The following ZSCAN5A variants were observed in gnomAD, a reference collection of about 807,000 sequenced individuals.
The protein encoded by ZSCAN5A is zinc finger and SCAN domain-containing protein 5A.
A neutral mutation model predicts 23.7 loss-of-function variants in ZSCAN5A; 12 were observed. That is an observed-to-expected ratio of 0.51 (90% confidence interval 0.32 to 0.82). The LOEUF (loss-of-function observed/expected upper bound fraction) is 0.82. ZSCAN5A is among the 40% of genes least tolerant of loss of function. The probability of loss-of-function intolerance (pLI) is 0.03; values close to 1 mark genes in which losing one functional copy is unlikely to be tolerated. For synonymous variants in ZSCAN5A, 257 were observed against 239.9 expected (o/e 1.07, Z -0.66); for missense variants, 597 against 617.9 (o/e 0.97, Z 0.36).
At chr19:56,254,595 A>G (rs1316376765) in intron 2 of ZSCAN5A, among the ~76,000 whole-genome samples, 1 of 152,094 alleles carries the variant, frequency 6.6e-6, no homozygotes, top group African/African-American at 2.4e-5. Flanking sequence ...CCAATTTTTT[A>G]GGTACATAAG....
At chr19:56,282,541 G>C in intron 2 of ZSCAN5A, 1 of 984,320 alleles carries the variant, frequency 1.0e-6, no homozygotes, top group Non-Finnish European at 1.2e-6. Flanking sequence ...GGGTCTGTTT[G>C]CCTTTGTCCA....
chr19:56,334,744 C>T (rs1408540162), intron 2 of ZSCAN5A, among the ~76,000 whole-genome samples: 2 of 152,058 alleles, frequency 1.3e-5, no homozygotes, highest in Admixed American at 6.6e-5. Context: ...ACCACAGCAG[C>T]CCTATAGAAA....
intron 2 of ZSCAN5A, chr19:56,342,935 A>C: frequency 9.8e-7 from 1 of 1,019,756 alleles, no homozygotes; most frequent in Non-Finnish European, 1.6e-6. Flanking sequence ...TCCATATAGC[A>C]GTGCACTTTG....
intron 2 of ZSCAN5A, among the ~76,000 whole-genome samples, chr19:56,270,439 C>T (rs76293112): frequency 2.6e-5 from 4 of 152,048 alleles, no homozygotes; most frequent in African/African-American, 9.6e-5. Context: ...TAAATAAATA[C>T]ATACATAGCT....
At chr19:56,262,555 A>G (rs1031265331) in intron 2 of ZSCAN5A, among the ~76,000 whole-genome samples, 1 of 151,606 alleles carries the variant, frequency 6.6e-6, no homozygotes, top group East Asian at 1.9e-4. Context: ...CCAGTATCCC[A>G]AGTAACTGGC....
intron 2 of ZSCAN5A, among the ~76,000 whole-genome samples, chr19:56,355,712 G>A (rs2041697026): frequency 6.7e-6 from 1 of 148,898 alleles, no homozygotes; most frequent in Non-Finnish European, 1.5e-5. Flanking sequence ...CGCAGTTTGT[G>A]TGTGTTTAAA....
intron 2 of ZSCAN5A, chr19:56,320,199 T>C (rs2041360387): frequency 3.0e-6 from 2 of 659,358 alleles, no homozygotes; most frequent in Non-Finnish European, 2.9e-6. Flanking sequence ...CTGTTTCTTA[T>C]AATCATCTCA....
rs372118946 is a variant in ZSCAN5A at position 56,223,853 on chromosome 19, C to T, written c.385-19G>A. ...CCACAGACTGTAGAGAGAAAAAAGA[C>T]AATCAGACTCACCATGAGAACCTGA... On this transcript the variant is annotated intron_variant, in intron 3 of 5. Coordinates refer to ENST00000683990, the MANE Select transcript of ZSCAN5A (RefSeq NM_001322064.3). 3.7e-6 allele frequency: 6 copies of T among 1,601,310 alleles called. No homozygotes were observed. Among genetic ancestry groups the T allele is most frequent in the African/African-American group, 1.3e-5 (1 of 74,770 alleles).
At chr19:56,234,954 C>G (rs1209107683) in intron 2 of ZSCAN5A, among the ~76,000 whole-genome samples, 1 of 152,242 alleles carries the variant, frequency 6.6e-6, no homozygotes, top group Non-Finnish European at 1.5e-5. Flanking sequence ...AAGGTAGAAG[C>G]AAAAGAACCG....
At chr19:56,230,583 C>T (rs973588528) in intron 2 of ZSCAN5A, among the ~76,000 whole-genome samples, 3 of 151,324 alleles carry the variant, frequency 2.0e-5, no homozygotes, top group Non-Finnish European at 4.4e-5. Flanking sequence ...GTTACAGGCA[C>T]GAGCCACATC....
chr19:56,342,752 A>G, intron 2 of ZSCAN5A: 2 of 689,214 alleles, frequency 2.9e-6, no homozygotes, highest in Non-Finnish European at 5.3e-6. Flanking sequence ...TTCATCATCC[A>G]AGGCCAACCA....
intron 2 of ZSCAN5A, among the ~76,000 whole-genome samples, chr19:56,229,428 C>G (rs1487010961): frequency 6.6e-6 from 1 of 152,152 alleles, no homozygotes; most frequent in African/African-American, 2.4e-5. Flanking sequence ...GAAATTGTAA[C>G]AATTATTTTC....
rs774245272 is a variant in ZSCAN5A, at chr19:56,246,993, T to C, written c.-127-21820A>G. 7.1e-5 allele frequency: 93 copies of C among 1,304,268 alleles called. 1 individual carries two copies. The highest frequency in any genetic ancestry group is 9.9e-5 in the Non-Finnish European group (89 of 901,888). The allele number at this position is 1,304,268 out of a possible 1,614,324, so 80.8% of individuals were successfully genotyped here. ...GAAAACCTGAGATAAATTCAGTTTA[T>C]TCCCCAGGCCCTGCAGGTGCAGTCA... is the stretch of plus-strand genomic sequence containing the variant. On this transcript the variant is annotated intron_variant, in intron 2 of 5. Coordinates refer to ENST00000683990, the MANE Select transcript of ZSCAN5A (RefSeq NM_001322064.3).
intron 2 of ZSCAN5A, among the ~76,000 whole-genome samples, chr19:56,255,588 C>G (rs1432015970): frequency 1.3e-5 from 2 of 152,048 alleles, no homozygotes; most frequent in African/African-American, 4.8e-5. Context: ...TGCCTGTGAC[C>G]CAACGTGGTT....
At chr19:56,355,078 T>G (rs2041693096) in intron 2 of ZSCAN5A, among the ~76,000 whole-genome samples, 1 of 150,792 alleles carries the variant, frequency 6.6e-6, no homozygotes, top group Non-Finnish European at 1.5e-5. Context: ...GACACTGATA[T>G]TTGAAACCCA....
At chr19:56,223,855 A>C in intron 3 of ZSCAN5A, 21 bp from the exon 4 acceptor site, 1 of 1,600,962 alleles carries the variant, frequency 6.2e-7, no homozygotes, top group South Asian at 1.1e-5. Flanking sequence ...AAAAAAGACA[A>C]TCAGACTCAC....
At chr19:56,255,133 G>A (rs901391220) in intron 2 of ZSCAN5A, among the ~76,000 whole-genome samples, 5 of 151,966 alleles carry the variant, frequency 3.3e-5, no homozygotes, top group Admixed American at 1.3e-4. Context: ...ATGATTTGTC[G>A]TGTTCTGACA....
intron 2 of ZSCAN5A, among the ~76,000 whole-genome samples, chr19:56,290,459 C>T (rs1770409838): frequency 2.0e-5 from 3 of 152,190 alleles, no homozygotes; most frequent in South Asian, 4.1e-4. Context: ...TAGAGCAGTG[C>T]TTCTCAGGGT....
chr19:56,329,953 C>T (rs35701274), intron 2 of ZSCAN5A, among the ~76,000 whole-genome samples: 10,222 of 152,126 alleles, frequency 0.067, 419 homozygotes, highest in South Asian at 0.16. Context: ...AAGCACAGTA[C>T]CCAATAGTTT....
Sources: gnomAD v4.1 joint callset for allele counts (sites outside exome capture counted in the v4.1 genomes callset) on GRCh38, gnomAD v4.1.1 for gene constraint, MANE v1.5 for transcripts, NCBI Gene and HGNC (gene_info 2026-07-23, HGNC 2026-07-21) for gene names.